SLC26A7: variants seen among roughly 807,000 people sequenced by gnomAD.
The protein encoded by SLC26A7 is anion exchange transporter.
Under a neutral mutation model 82.5 loss-of-function variants are expected in SLC26A7, and 59 were observed. The observed-to-expected ratio is 0.72, with a 90% CI of 0.58 to 0.89. SLC26A7 has a LOEUF of 0.89. Among genes scored for constraint, SLC26A7 ranks in the 40% least tolerant of loss-of-function variants. The pLI is 0.00. For missense variants in SLC26A7, 820 were observed against 793.0 expected, an observed-to-expected ratio of 1.03 and a Z score of -0.41; for synonymous variants, 271 against 274.3, an observed-to-expected ratio of 0.99 and a Z score of 0.12.
intron 4 of SLC26A7, among the ~76,000 whole-genome samples, chr8:91,306,111 T>C (rs1290224035): frequency 1.3e-5 from 2 of 152,206 alleles, no homozygotes; most frequent in African/African-American, 4.8e-5. Flanking sequence ...CTAGTTTTGT[T>C]ACTTCCAGAC....
intron 2 of SLC26A7, among the ~76,000 whole-genome samples, chr8:91,267,381 C>A (rs777369737): frequency 1.3e-5 from 2 of 151,876 alleles, no homozygotes; most frequent in Non-Finnish European, 1.5e-5. Flanking sequence ...GTGAAGCCAT[C>A]AGATTCTTGG....
intron 2 of SLC26A7, among the ~76,000 whole-genome samples, chr8:91,280,422 A>G (rs964454751): frequency 6.6e-6 from 1 of 152,188 alleles, no homozygotes; most frequent in Non-Finnish European, 1.5e-5. Flanking sequence ...TTTAGCACCA[A>G]GCCTTTCTCT....
In SLC26A7 at chr8:91,249,616, T is replaced by C; in HGVS notation, c.-36T>C. On this transcript the variant is annotated 5_prime_UTR_variant, in exon 2 of 19. It removes the in-frame stop codon of an upstream open reading frame in the 5' UTR. Transcript: ENST00000276609. The stretch of plus-strand genomic sequence containing the variant: ...TTCTGCAATGATTTTTTTTCTTGTT[T>C]AGAGAAGTTTACTTCTACAAGAAGA... 6.8e-7 allele frequency: 1 copy of C among 1,462,942 alleles called. No individual in the cohort carries two copies. The highest frequency in any genetic ancestry group is 1.5e-5 in the South Asian group (1 of 65,240). 90.6% of individuals were successfully genotyped at this position (1,462,942 alleles called of 1,614,324 possible).
At chr8:91,334,157 C>A in intron 5 of SLC26A7, 138 bp from the exon 6 acceptor site, 1 of 752,300 alleles carries the variant, frequency 1.3e-6, no homozygotes, top group Non-Finnish European at 2.1e-6. Flanking sequence ...ACTGACTACC[C>A]GCCTACCTAT....
At chr8:91,328,980 G>T (rs1813006346) in intron 5 of SLC26A7, among the ~76,000 whole-genome samples, 1 of 152,004 alleles carries the variant, frequency 6.6e-6, no homozygotes, top group African/African-American at 2.4e-5. Flanking sequence ...AATATATAAT[G>T]AACTAATATT....
Position 91,395,375 on chromosome 8 carries a change from C to T in SLC26A7, c.*278C>T, listed in dbSNP as rs539371025. On this transcript the variant is annotated 3_prime_UTR_variant, in exon 19 of 19. Coordinates refer to ENST00000276609, the MANE Select transcript of SLC26A7 (RefSeq NM_052832.4). The stretch of plus-strand genomic sequence containing the variant: ...GTAAACATGGTTTTATTTTATTTTA[C>T]CATATTATTTTGTGTTGTTTTATTT... 1.1e-3 allele frequency: 625 copies of T among 565,712 alleles called. 3 individuals carry two copies. The highest frequency in any genetic ancestry group is 1.5e-3 in the Non-Finnish European group (582 of 398,568). The allele number at this position is 565,712 out of a possible 1,614,324, so 35.0% of individuals were successfully genotyped here.
intron 3 of SLC26A7, among the ~76,000 whole-genome samples, chr8:91,294,696 A>G (rs1156709028): frequency 3.9e-5 from 6 of 152,222 alleles, no homozygotes; most frequent in Non-Finnish European, 8.8e-5. Flanking sequence ...ACCAGGCTGC[A>G]TTCTCAGGCA....
rs558102114 is a variant in SLC26A7 at position 91,250,021 on chromosome 8, T to A, written c.193+177T>A. 3.3e-5 allele frequency among the ~76,000 whole-genome samples: 5 copies of A among 152,284 alleles called. No homozygotes were observed. In the South Asian group the frequency reaches 8.3e-4, roughly 25 times the overall value. ...GTTTTCCTAATTGTCTTTTTTCCTC[T>A]GTATTTTGATAGCTATTAAGCATTG... On this transcript the variant is annotated intron_variant, in intron 2 of 18. Coordinates refer to ENST00000276609, the MANE Select transcript of SLC26A7 (RefSeq NM_052832.4).
At chr8:91,293,964 C>A (rs1586373877) in intron 3 of SLC26A7, among the ~76,000 whole-genome samples, 1 of 152,264 alleles carries the variant, frequency 6.6e-6, no homozygotes, top group Non-Finnish European at 1.5e-5. Context: ...GCTAGAATCT[C>A]ATTTCTAATA....
chr8:91,235,788 A>G (rs1001469640), intron 2 of SLC26A7, among the ~76,000 whole-genome samples: 2 of 152,166 alleles, frequency 1.3e-5, no homozygotes, highest in Non-Finnish European at 2.9e-5. Flanking sequence ...TTTTAATGCC[A>G]AGTTTACTTA....
chr8:91,272,632 A>G (rs1811302876), intron 2 of SLC26A7, among the ~76,000 whole-genome samples: 1 of 152,238 alleles, frequency 6.6e-6, no homozygotes, highest in Non-Finnish European at 1.5e-5. Context: ...AGTGACAAGA[A>G]GAATGAAAGT....
At chr8:91,329,687 GAT>G (rs1276008718) in intron 5 of SLC26A7, among the ~76,000 whole-genome samples, 4 of 152,090 alleles carry the variant, frequency 2.6e-5, no homozygotes, top group Non-Finnish European at 2.9e-5. Flanking sequence ...CAGCAGAAAA[GAT>G]ATTCTCTAAA....
chr8:91,289,072 T>C (rs1384044283), intron 2 of SLC26A7, 64 bp from the exon 3 acceptor site: 2 of 1,034,478 alleles, frequency 1.9e-6, no homozygotes, highest in Non-Finnish European at 3.0e-6. Context: ...TACCTATTCT[T>C]TTGTGTAACA....
At chr8:91,287,881 T>C (rs1254797734) in intron 2 of SLC26A7, among the ~76,000 whole-genome samples, 1 of 152,190 alleles carries the variant, frequency 6.6e-6, no homozygotes, top group African/African-American at 2.4e-5. Context: ...CCTCTCACCA[T>C]GCCTTTATGA....
chr8:91,295,797 T>G (rs1449335085), intron 4 of SLC26A7, 94 bp downstream of exon 4: 3 of 1,274,600 alleles, frequency 2.4e-6, no homozygotes, highest in Non-Finnish European at 2.2e-6. Context: ...CATGAATTTG[T>G]CTTTATAGGT....
At chr8:91,287,819 C>T (rs745440610) in intron 2 of SLC26A7, among the ~76,000 whole-genome samples, 6 of 152,100 alleles carry the variant, frequency 3.9e-5, no homozygotes, top group Non-Finnish European at 8.8e-5. Flanking sequence ...AATATTTAGC[C>T]TGCCAATACT....
chr8:91,333,742 C>T (rs932171879), intron 5 of SLC26A7, among the ~76,000 whole-genome samples: 3 of 152,098 alleles, frequency 2.0e-5, no homozygotes, highest in East Asian at 1.9e-4. Context: ...ATGTAGACCT[C>T]GCAATGGGCA....
chr8:91,391,247 G>T (rs1316012641), intron 16 of SLC26A7, among the ~76,000 whole-genome samples: 1 of 152,164 alleles, frequency 6.6e-6, no homozygotes, highest in African/African-American at 2.4e-5. Context: ...GGAAGTCACA[G>T]CATAGTCCCA....
At chr8:91,300,662 G>T (rs575080473) in intron 4 of SLC26A7, among the ~76,000 whole-genome samples, 2 of 152,204 alleles carry the variant, frequency 1.3e-5, no homozygotes, top group Non-Finnish European at 2.9e-5. Context: ...CTCCCAAAGT[G>T]CTGGGATTAC....
Sources: gnomAD v4.1 joint callset for allele counts (sites outside exome capture counted in the v4.1 genomes callset) on GRCh38, gnomAD v4.1.1 for gene constraint, MANE v1.5 for transcripts, NCBI Gene and HGNC (gene_info 2026-07-23, HGNC 2026-07-21) for gene names.